SCHIP1: variants seen among roughly 807,000 people sequenced by gnomAD.
The protein encoded by SCHIP1 is schwannomin interacting protein 1, also known as schwannomin-interacting protein 1.
SCHIP1 carries 8 observed loss-of-function variants against 29.7 expected under a neutral mutation model. That is an observed-to-expected ratio of 0.27 (90% CI 0.16 to 0.49). The LOEUF (loss-of-function observed/expected upper bound fraction) is 0.49, where lower values mean the gene tolerates loss of function less well. Among genes scored for constraint, SCHIP1 ranks in the 20% least tolerant of loss-of-function variants. The pLI, the probability that SCHIP1 is intolerant of heterozygous loss-of-function variation, is 0.99. For missense variants in SCHIP1, 193 were observed against 294.6 expected, an observed-to-expected ratio of 0.66 and a Z score of 2.52; for synonymous variants, 76 against 94.9, an observed-to-expected ratio of 0.80 and a Z score of 1.16.
the SCHIP1 span, among the ~76,000 whole-genome samples, chr3:159,543,068 CATAT>C: frequency 6.7e-6 from 1 of 149,574 alleles, no homozygotes; most frequent in African/African-American, 2.5e-5. Flanking sequence ...TGTACACACA[CATAT>C]ATATACACAT....
At chr3:159,508,246 A>G in the SCHIP1 span, among the ~76,000 whole-genome samples, 1 of 152,072 alleles carries the variant, frequency 6.6e-6, no homozygotes. Context: ...TTTCTAGTTT[A>G]TTTGCGTAGA....
chr3:159,573,613 C>A, the SCHIP1 span, among the ~76,000 whole-genome samples: 1 of 152,096 alleles, frequency 6.6e-6, no homozygotes, highest in African/African-American at 2.4e-5. Context: ...CGAGGAATAT[C>A]TTTGTGGCAT....
the SCHIP1 span, among the ~76,000 whole-genome samples, chr3:159,289,218 A>G: frequency 2.6e-5 from 4 of 152,198 alleles, no homozygotes; most frequent in Non-Finnish European, 5.9e-5. Context: ...CAAAGCACCC[A>G]GTGTGAACTT....
the SCHIP1 span, among the ~76,000 whole-genome samples, chr3:159,389,676 G>C: frequency 6.6e-5 from 10 of 151,982 alleles, no homozygotes; most frequent in Non-Finnish European, 1.0e-4. Flanking sequence ...ACAGAGAAAT[G>C]TGATTACTCT....
chr3:159,758,430 C>T, the SCHIP1 span, among the ~76,000 whole-genome samples: 7 of 152,182 alleles, frequency 4.6e-5, no homozygotes, highest in East Asian at 3.9e-4. Context: ...GGATTACAGG[C>T]GTGAGCCACC....
At chr3:159,339,409 A>C in the SCHIP1 span, among the ~76,000 whole-genome samples, 1 of 152,174 alleles carries the variant, frequency 6.6e-6, no homozygotes, top group African/African-American at 2.4e-5. Flanking sequence ...CAGGCTTGAA[A>C]GAAATATTGT....
At chr3:159,341,412 T>C in the SCHIP1 span, among the ~76,000 whole-genome samples, 2 of 152,174 alleles carry the variant, frequency 1.3e-5, no homozygotes, top group African/African-American at 2.4e-5. Flanking sequence ...TTTTCTTGTC[T>C]GGTCCCCTTA....
At chr3:159,406,038 G>A in the SCHIP1 span, among the ~76,000 whole-genome samples, 1 of 151,898 alleles carries the variant, frequency 6.6e-6, no homozygotes, top group African/African-American at 2.4e-5. Flanking sequence ...GGTGTACAGA[G>A]AGATGAAGTA....
chr3:159,372,634 C>CACATCTGCCTGTCATGTGTTTTTAT, the SCHIP1 span, among the ~76,000 whole-genome samples: 2 of 151,804 alleles, frequency 1.3e-5, no homozygotes, highest in Non-Finnish European at 2.9e-5. Context: ...CTTTGCAGAC[C>CACATCTGCCTGTCATGTGTTTTTAT]ACATCTGCCT....
At chr3:159,591,341 A>G in the SCHIP1 span, among the ~76,000 whole-genome samples, 2 of 152,164 alleles carry the variant, frequency 1.3e-5, no homozygotes, top group Non-Finnish European at 2.9e-5. Context: ...TAGTTCAGCC[A>G]TTGTGGAATA....
chr3:159,843,874 G>C (rs1002660208), intron 1 of SCHIP1, among the ~76,000 whole-genome samples: 2 of 148,408 alleles, frequency 1.3e-5, no homozygotes, highest in African/African-American at 5.0e-5. Context: ...TGGCATTTTG[G>C]TTTCTTGTTT....
At chr3:159,516,848 C>T in the SCHIP1 span, among the ~76,000 whole-genome samples, 1 of 152,168 alleles carries the variant, frequency 6.6e-6, no homozygotes, top group Non-Finnish European at 1.5e-5. Flanking sequence ...CTCACCCCTG[C>T]CTTTAGTCTA....
chr3:159,380,285 GCT>G, the SCHIP1 span, among the ~76,000 whole-genome samples: 1 of 152,106 alleles, frequency 6.6e-6, no homozygotes, highest in African/African-American at 2.4e-5. Flanking sequence ...CCCTCTTCTA[GCT>G]CTTGCAGTAT....
the SCHIP1 span, among the ~76,000 whole-genome samples, chr3:159,285,037 A>T: frequency 6.6e-6 from 1 of 152,104 alleles, no homozygotes; most frequent in Non-Finnish European, 1.5e-5. Flanking sequence ...ATTTTTGTTT[A>T]ATGACAATTC....
the SCHIP1 span, among the ~76,000 whole-genome samples, chr3:159,369,247 A>T: frequency 6.6e-6 from 1 of 152,328 alleles, no homozygotes; most frequent in Admixed American, 6.5e-5. Flanking sequence ...TTTCTAGTCC[A>T]GCATCACTTT....
At chr3:159,642,645 T>C in the SCHIP1 span, among the ~76,000 whole-genome samples, 1 of 152,054 alleles carries the variant, frequency 6.6e-6, no homozygotes, top group Non-Finnish European at 1.5e-5. Flanking sequence ...CTCTAAGGCA[T>C]AGGCAAAAAA....
At chr3:159,815,068 G>A in the SCHIP1 span, among the ~76,000 whole-genome samples, 4 of 152,122 alleles carry the variant, frequency 2.6e-5, no homozygotes, top group Admixed American at 1.3e-4. Context: ...TTCTTGCTGC[G>A]GACACCCTCC....
At chr3:159,585,077 G>A in the SCHIP1 span, among the ~76,000 whole-genome samples, 227 of 151,136 alleles carry the variant, frequency 1.5e-3, 1 homozygote, top group African/African-American at 5.3e-3. Flanking sequence ...CTGCCCCACC[G>A]CATCTACCAG....
chr3:159,639,556 G>A, the SCHIP1 span, among the ~76,000 whole-genome samples: 5 of 152,222 alleles, frequency 3.3e-5, no homozygotes, highest in African/African-American at 1.2e-4. Context: ...CAAATATTTA[G>A]CATCCTTGGG....
Sources: gnomAD v4.1 joint callset for allele counts (sites outside exome capture counted in the v4.1 genomes callset) on GRCh38, gnomAD v4.1.1 for gene constraint, MANE v1.5 for transcripts, NCBI Gene and HGNC (gene_info 2026-07-23, HGNC 2026-07-21) for gene names.